The following ZFYVE16 variants were observed in gnomAD, a reference collection of about 807,000 sequenced individuals.
The protein encoded by ZFYVE16 is zinc finger FYVE domain-containing protein 16.
In ZFYVE16, 89 loss-of-function variants were observed where a neutral mutation model predicts 138.1. The observed-to-expected ratio is 0.64, with a 90% confidence interval of 0.54 to 0.77. The LOEUF is 0.77. Ranked by LOEUF, ZFYVE16 falls within the 30% of genes least tolerant of loss-of-function variation. The pLI is 0.00. For missense variants in ZFYVE16, 1,793 were observed against 1,786.7 expected, an observed-to-expected ratio of 1.00 and a Z score of -0.06; for synonymous variants, 596 against 618.3, an observed-to-expected ratio of 0.96 and a Z score of 0.53.
intron 15 of ZFYVE16, among the ~76,000 whole-genome samples, chr5:80,464,912 A>G (rs752908308): frequency 2.6e-5 from 4 of 152,180 alleles, no homozygotes; most frequent in South Asian, 2.1e-4. Context: ...TCTAATTTCC[A>G]TAGTATATAA....
At position 80,449,582 on chromosome 5, in the gene ZFYVE16, A is replaced by G. The variant is rs778710550; in HGVS notation, c.3104-9A>G. The stretch of plus-strand genomic sequence containing the variant: ...TTATCCTGATTAATATATTACTTTC[A>G]TCATTTAGTGCCTGTAGTAGAAGAA... On this transcript the variant is annotated splice_polypyrimidine_tract_variant and intron_variant, in intron 8 of 18. Transcript: ENST00000505560. 6 of 1,601,572 alleles carry G rather than the reference A, an allele frequency of 3.7e-6. No homozygotes were observed. The South Asian group carries it at 6.8e-5, about 18-fold the overall frequency.
chr5:80,448,353 G>C lies in ZFYVE16; in HGVS notation c.3052G>C (p.Asp1018His). 3 of 1,594,090 alleles carry C rather than the reference G, an allele frequency of 1.9e-6. No homozygotes were observed. The highest frequency in any genetic ancestry group is 1.7e-6 in the Non-Finnish European group (2 of 1,171,766). The change falls in exon 8 of 19, where the codon GAT (aspartate) becomes CAT (histidine). Residue 1018 changes from aspartate (D) to histidine (H), a missense_variant. This residue lies in a region of ZFYVE16 where 1,295 missense variants were observed against 1,204.3 expected (regional missense o/e 1.08). Coordinates refer to ENST00000505560, the MANE Select transcript of ZFYVE16 (RefSeq NM_001284236.3). Reference protein sequence around the residue: ...VCNKISLLPNDEDSLPPLLVA... With the variant: ...VCNKISLLPNHEDSLPPLLVA... ...CAATAAGATTAGTCTTCTACCTAATGATGAGGACAGTTTGCCCCCACTTCT... is the reference window on the plus strand; with the variant it reads ...CAATAAGATTAGTCTTCTACCTAATCATGAGGACAGTTTGCCCCCACTTCT...
At chr5:80,426,206 GT>G (rs1665665774) in intron 1 of ZFYVE16, among the ~76,000 whole-genome samples, 2 of 13,668 alleles carry the variant, frequency 1.5e-4, no homozygotes, top group African/African-American at 2.1e-4. Flanking sequence ...TGTGTGGTGT[GT>G]GTGTGTGTGT....
At chr5:80,458,318 T>C (rs544804661) in intron 14 of ZFYVE16, among the ~76,000 whole-genome samples, 47 of 152,254 alleles carry the variant, frequency 3.1e-4, no homozygotes, top group African/African-American at 1.0e-3. Flanking sequence ...TTTCCTCCCT[T>C]GACCACCCAG....
Position 80,436,882 on chromosome 5 carries a change from G to A in ZFYVE16, c.197G>A (p.Cys66Tyr). The stretch of plus-strand genomic sequence containing the variant: ...AAAGACCAAGAGTGCGTTAATAGTT[G>A]TGCCTCATCAGAAACAAGCTATGGA... ...LPKDQECVNS[C>Y]ASSETSYGTN... is the part of the protein sequence containing the mutation. Residue 66 changes from cysteine to tyrosine, a missense_variant, in exon 4 of 19, where the codon TGT (cysteine) becomes TAT (tyrosine). This residue lies in a region of ZFYVE16 where 1,295 missense variants were observed against 1,204.3 expected (regional missense o/e 1.08). Transcript: ENST00000505560. 6.2e-7 allele frequency: 1 copy of A among 1,614,098 alleles called. No homozygotes were observed. Among genetic ancestry groups the A allele is most frequent in the African/African-American group, 1.3e-5 (1 of 75,038 alleles).
rs797020395 is a variant in ZFYVE16 at position 80,415,675 on chromosome 5, C to CT, written c.-94+7532dup. Among the ~76,000 whole-genome samples the CT allele has an allele frequency of 7.0e-3, 1,045 of 149,172 alleles. 14 individuals carry two copies. The highest frequency in any genetic ancestry group is 0.025 in the African/African-American group (1,001 of 40,672). The stretch of plus-strand genomic sequence containing the variant: ...ACTGTCAGTGTGACTTGCCACTTTT[C>CT]TTTTTTTTTTGAGATGGAGTCTCCC... On this transcript the variant is annotated intron_variant, in intron 1 of 18. Coordinates refer to ENST00000505560, the MANE Select transcript of ZFYVE16 (RefSeq NM_001284236.3).
At position 80,437,340 on chromosome 5, in the gene ZFYVE16, T is replaced by C. The variant is rs1170310765; in HGVS notation, c.655T>C (p.Tyr219His). The change falls in exon 4 of 19, where the codon TAT becomes CAT. Residue 219 changes from tyrosine (Y) to histidine (H), a missense_variant. Physicochemically the swap from Tyr to His is moderately conservative, Grantham distance 83. This residue lies in a region of ZFYVE16 where 1,295 missense variants were observed against 1,204.3 expected (regional missense o/e 1.08). Transcript: ENST00000505560. ...AGTAGATACAACACTTTCAGATTCC[T>C]ATAATTACAGTGGAACAGAAAATTT... ...IKVDTTLSDSYNYSGTENLKD... is the reference protein window; with the variant it reads ...IKVDTTLSDSHNYSGTENLKD... 1.2e-6 allele frequency: 2 copies of C among 1,601,958 alleles called. No homozygotes were observed. Among genetic ancestry groups the C allele is most frequent in the Non-Finnish European group, 1.7e-6 (2 of 1,175,916 alleles).
Position 80,466,541 on chromosome 5 carries a change from C to A in ZFYVE16, c.4025-6220C>A, listed in dbSNP as rs185041859. ...GACATAGTTCCTTTAGTTCTGTGAA[C>A]ATATTTAAAATAATTGATTTATACC... On this transcript the variant is annotated intron_variant, in intron 15 of 18. Coordinates refer to ENST00000505560, the MANE Select transcript of ZFYVE16 (RefSeq NM_001284236.3). Among the ~76,000 whole-genome samples the A allele has an allele frequency of 1.1e-3, 174 of 152,262 alleles. 1 individual carries two copies. Among genetic ancestry groups the A allele is most frequent in the African/African-American group, 3.9e-3 (164 of 41,532 alleles).
Position 80,443,254 on chromosome 5 carries a change from G to T in ZFYVE16, c.2551G>T (p.Val851Phe). The change falls in exon 6 of 19, where the codon GTC becomes TTC. Residue 851 changes from valine to phenylalanine, a missense_variant. This residue lies in a region of ZFYVE16 where 1,295 missense variants were observed against 1,204.3 expected (regional missense o/e 1.08). Transcript: ENST00000505560. ...SSIPSPATLP[V>F]SALKQPGVEG... ...TATACCTTCACCAGCAACTTTGCCAGTCTCAGCACTTAAACAACCAGGTGT... is the reference window on the plus strand; with the variant it reads ...TATACCTTCACCAGCAACTTTGCCATTCTCAGCACTTAAACAACCAGGTGT... 6.2e-7 allele frequency: 1 copy of T among 1,610,646 alleles called. No homozygotes were observed. The highest frequency in any genetic ancestry group is 8.5e-7 in the Non-Finnish European group (1 of 1,179,234).
intron 18 of ZFYVE16, among the ~76,000 whole-genome samples, chr5:80,475,956 C>T (rs901071915): frequency 2.6e-5 from 4 of 152,038 alleles, no homozygotes; most frequent in Non-Finnish European, 5.9e-5. Flanking sequence ...CCCTCACATC[C>T]TTTTTTTGAG....
In ZFYVE16 at chr5:80,469,092, CTCT is replaced by C. The variant is rs1272734195; in HGVS notation, c.4025-3667_4025-3665del. Reference sequence around the variant, plus strand: ...TTTTCTTCTTATTTCTTTTCTTTCTCTCTTTTTTTTTTTTTTTTGAGACTCATT... The same window carrying C: ...TTTTCTTCTTATTTCTTTTCTTTCTCTTTTTTTTTTTTTTTGAGACTCATT... On this transcript the variant is annotated intron_variant, in intron 15 of 18. Coordinates refer to ENST00000505560, the MANE Select transcript of ZFYVE16 (RefSeq NM_001284236.3). Among the ~76,000 whole-genome samples the C allele has an allele frequency of 5.1e-3, 745 of 147,498 alleles. 2 individuals are homozygous for C. The highest frequency in any genetic ancestry group is 0.017 in the African/African-American group (686 of 40,058).
In ZFYVE16 at chr5:80,420,686, A is replaced by G. The variant is rs892520419; in HGVS notation, c.-93-6806A>G. ...TATATATGCCACATTTTCTTAATCC[A>G]GTCTATCATTGATGGACATTTGGGT... is the stretch of plus-strand genomic sequence containing the variant. On this transcript the variant is annotated intron_variant, in intron 1 of 18. Transcript: ENST00000505560. Among the ~76,000 whole-genome samples, 17 of 152,286 alleles carry G rather than the reference A, an allele frequency of 1.1e-4. 1 individual carries two copies. The highest frequency in any genetic ancestry group is 3.9e-4 in the African/African-American group (16 of 41,556).
chr5:80,426,049 A>G (rs1478251223), intron 1 of ZFYVE16, among the ~76,000 whole-genome samples: 1 of 152,122 alleles, frequency 6.6e-6, no homozygotes, highest in East Asian at 1.9e-4. Context: ...AATAAAGGGC[A>G]GGATAAATTT....
rs1325787132 is a variant in ZFYVE16, at chr5:80,481,571, GAT to G, written c.*4195_*4196del. On this transcript the variant is annotated 3_prime_UTR_variant, in exon 19 of 19. Coordinates refer to ENST00000505560, the MANE Select transcript of ZFYVE16 (RefSeq NM_001284236.3). ...CACAGCCACCAAAAAAAGTGGCCAGGATGTGTGCTCTGAAACTTAACTGAATT... is the reference window on the plus strand; with the variant it reads ...CACAGCCACCAAAAAAAGTGGCCAGGGTGTGCTCTGAAACTTAACTGAATT... 1.3e-5 allele frequency among the ~76,000 whole-genome samples: 2 copies of G among 151,892 alleles called. No individual in the cohort carries two copies. Among genetic ancestry groups the G allele is most frequent in the Admixed American group, 1.3e-4 (2 of 15,150 alleles).
In ZFYVE16 at chr5:80,477,239, T is replaced by C; in HGVS notation, c.4482T>C (p.Ser1494=). 2 of 1,596,870 alleles carry C rather than the reference T, an allele frequency of 1.3e-6. No homozygotes were observed. Among genetic ancestry groups the C allele is most frequent in the African/African-American group, 1.4e-5 (1 of 73,952 alleles). ...DTDMVEFQAG[S]EGQLLPQHYL... ...TCTAGGTTGAATTTCAGGCAGGATC[T>C]GAAGGCCAACTTCTGCCTCAGCATT... Residue 1494 remains serine, a synonymous_variant, in exon 19 of 19, where the codon TCT becomes TCC. Coordinates refer to ENST00000505560, the MANE Select transcript of ZFYVE16 (RefSeq NM_001284236.3).
At chr5:80,435,527 G>A (rs113713614) in intron 3 of ZFYVE16, among the ~76,000 whole-genome samples, 194 of 152,282 alleles carry the variant, frequency 1.3e-3, no homozygotes, top group African/African-American at 4.5e-3. Context: ...ACGTTGGATT[G>A]TTTTTTAGTT....
intron 17 of ZFYVE16, 95 bp from the exon 18 acceptor site, chr5:80,474,568 C>T (rs1429905602): frequency 2.4e-6 from 3 of 1,246,180 alleles, no homozygotes; most frequent in Non-Finnish European, 3.4e-6. Flanking sequence ...TTTCATGGTA[C>T]TTACATTGGA....
Position 80,450,582 on chromosome 5 carries a change from A to G in ZFYVE16, c.3378A>G (p.Leu1126=), listed in dbSNP as rs1462030422. 1 of 1,612,882 alleles carries G rather than the reference A, an allele frequency of 6.2e-7. No homozygotes were observed. Among genetic ancestry groups the G allele is most frequent in the East Asian group, 2.2e-5 (1 of 44,730 alleles). ...TTATCACCATATATAAGGATGCTCT[A>G]AAAGGTATGGCATTTTATTTTGAAC... is the stretch of plus-strand genomic sequence containing the variant. ...RLFITIYKDA[L]KGKYIENLDN... The change falls in exon 10 of 19, where the codon CTA becomes CTG. Residue 1126 remains leucine, a synonymous_variant. Coordinates refer to ENST00000505560, the MANE Select transcript of ZFYVE16 (RefSeq NM_001284236.3).
Position 80,452,462 on chromosome 5 carries a change from TTACAGA to T in ZFYVE16, c.3607+755_3607+760del, listed in dbSNP as rs1200401294. ...AAAAAAAAAAAAAAAAAAAAAAAAG[TTACAGA>T]TTTCAGAGCATTTTGGATTTCAGGT... On this transcript the variant is annotated intron_variant, in intron 11 of 18. Transcript: ENST00000505560. 3 of 146,062 alleles carry T rather than the reference TTACAGA, an allele frequency of 2.1e-5. No homozygotes were observed. The East Asian group carries it at 6.0e-4, about 29-fold the overall frequency. 9.0% of individuals were successfully genotyped at this position (146,062 alleles called of 1,614,324 possible). A position where few individuals can be genotyped will look rare whatever the true frequency, so the allele number is the denominator to read the frequency against.
Sources: gnomAD v4.1 joint callset for allele counts (sites outside exome capture counted in the v4.1 genomes callset) on GRCh38, gnomAD v4.1.1 for gene constraint, gnomAD v4.1.1 regional missense constraint, MANE v1.5 for transcripts, NCBI Gene and HGNC (gene_info 2026-07-23, HGNC 2026-07-21) for gene names.